MFSD2A: variants seen among roughly 807,000 people sequenced by gnomAD.
MFSD2A encodes MFSD2 lysolipid transporter A, lysophospholipid.
Under a neutral mutation model 64.7 loss-of-function variants are expected in MFSD2A, and 27 were observed. The ratio of observed to expected loss-of-function variants is 0.42; its 90% CI spans 0.31 to 0.58. MFSD2A has a LOEUF of 0.58. Among genes scored for constraint, MFSD2A ranks in the 20% least tolerant of loss-of-function variants. The pLI, the probability that MFSD2A is intolerant of heterozygous loss-of-function variation, is 0.18. For synonymous variants in MFSD2A, 258 were observed against 273.4 expected (o/e 0.94, Z 0.55); for missense variants, 474 against 679.5 (o/e 0.70, Z 3.36).
In MFSD2A at chr1:39,957,105, A is replaced by G. The variant is rs1644946474; in HGVS notation, c.112A>G (p.Lys38Glu). 6.2e-7 allele frequency: 1 copy of G among 1,614,020 alleles called. No individual in the cohort carries two copies. Among genetic ancestry groups the G allele is most frequent in the Non-Finnish European group, 8.5e-7 (1 of 1,180,024 alleles). ...TTCCCAGAAAGAACCGAAAAAGAAG[A>G]AACAACAGTTGTCTGTTTGCAACAA... ...AQVKKEPKKK[K>E]QQLSVCNKLC... The change falls in exon 2 of 14, where the codon AAA (lysine) becomes GAA (glutamate). Residue 38 changes from lysine (K) to glutamate (E), a missense_variant. Transcript: ENST00000372811.
At position 39,963,225 on chromosome 1, in the gene MFSD2A, C is replaced by T. The variant is rs1209015675; in HGVS notation, c.354-1986C>T. 23 of 1,575,990 alleles carry T rather than the reference C, an allele frequency of 1.5e-5. No homozygotes were observed. Among genetic ancestry groups the T allele is most frequent in the Non-Finnish European group, 2.0e-5 (23 of 1,161,842 alleles). ...TATCGATGACTGCTACACCTCAGCC[C>T]GGGGCTGCACTGCCACCCTGGGCAG... On this transcript the variant is annotated intron_variant, in intron 3 of 13. Coordinates refer to ENST00000372811, the MANE Select transcript of MFSD2A (RefSeq NM_032793.5). This position sits in a 1 kb window ranked among gnomAD's most constrained non-coding sequence, Gnocchi z 4.2.
rs552517354 is a variant in MFSD2A at position 39,955,257 on chromosome 1, C to T, written c.-36C>T. On this transcript the variant is annotated 5_prime_UTR_variant, in exon 1 of 14. Coordinates refer to ENST00000372811, the MANE Select transcript of MFSD2A (RefSeq NM_032793.5). The surrounding 1 kb of genome is among the most constrained non-coding windows in gnomAD (Gnocchi z 5.9). ...CGGCCTGCGGGGCAGAGGAGCATCCCGTCTACCAGGTCCCAAGCGGCGTGG... is the reference window on the plus strand; with the variant it reads ...CGGCCTGCGGGGCAGAGGAGCATCCTGTCTACCAGGTCCCAAGCGGCGTGG... 2 of 1,379,072 alleles carry T rather than the reference C, an allele frequency of 1.5e-6. No individual in the cohort carries two copies. The highest frequency in any genetic ancestry group is 1.9e-6 in the Non-Finnish European group (2 of 1,063,366). The allele number at this position is 1,379,072 out of a possible 1,614,324, so 85.4% of individuals were successfully genotyped here.
rs146664473 is a variant in MFSD2A at position 39,968,146 on chromosome 1, G to T, written c.1209-188G>T. ...ATCTGGCCTGGGCTCCACTTGCCAC[G>T]CTGAGCACCTCCAGGCAGGGTTACT... On this transcript the variant is annotated intron_variant, in intron 11 of 13. Coordinates refer to ENST00000372811, the MANE Select transcript of MFSD2A (RefSeq NM_032793.5). This position sits in a 1 kb window ranked among gnomAD's most constrained non-coding sequence, Gnocchi z 4.4. 6.9e-6 allele frequency: 5 copies of T among 729,554 alleles called. No homozygotes were observed. The highest frequency in any genetic ancestry group is 5.4e-5 in the East Asian group (2 of 37,148). The allele number at this position is 729,554 out of a possible 1,614,324, so 45.2% of individuals were successfully genotyped here.
Position 39,955,317 on chromosome 1 carries a change from A to G in MFSD2A, c.25A>G (p.Ser9Gly). ...CATGGCCAAAGGAGAAGGCGCCGAG[A>G]GCGGCTCCGCGGCGGGGCTGCTACC... Reference protein sequence around the residue: MAKGEGAESGSAAGLLPTS... With the variant: MAKGEGAEGGSAAGLLPTS... The change falls in exon 1 of 14, where the codon AGC becomes GGC. Residue 9 changes from serine to glycine, a missense_variant. Ser to Gly is a moderately conservative substitution (Grantham distance 56). Coordinates refer to ENST00000372811, the MANE Select transcript of MFSD2A (RefSeq NM_032793.5). This position sits in a 1 kb window ranked among gnomAD's most constrained non-coding sequence, Gnocchi z 5.9. The G allele has an allele frequency of 6.9e-7, 1 of 1,443,868 alleles. No individual in the cohort carries two copies. The highest frequency in any genetic ancestry group is 9.1e-7 in the Non-Finnish European group (1 of 1,096,162). 89.4% of individuals were successfully genotyped at this position (1,443,868 alleles called of 1,614,324 possible).
intron 3 of MFSD2A, among the ~76,000 whole-genome samples, chr1:39,961,134 C>T (rs140617974): frequency 4.0e-5 from 6 of 151,748 alleles, no homozygotes; most frequent in Non-Finnish European, 8.8e-5. Context: ...TCCATCCATA[C>T]CACCTGACCC....
rs1257670253 is a variant in MFSD2A, at chr1:39,966,874, G to A, written c.869G>A (p.Ser290Asn). Residue 290 changes from serine (S) to asparagine (N), a missense_variant, in exon 8 of 14, where the codon AGC (serine) becomes AAC (asparagine). Transcript: ENST00000372811. ...TTCCGGGGCCTACGGCTGGTCATGA[G>A]CCACGGCCCATACATCAAACTTATT... ...AYFRGLRLVM[S>N]HGPYIKLITG... 5 of 1,613,762 alleles carry A rather than the reference G, an allele frequency of 3.1e-6. No homozygotes were observed. In the Admixed American group the frequency reaches 6.7e-5, roughly 22 times the overall value.
In MFSD2A at chr1:39,965,106, C is replaced by A; in HGVS notation, c.354-105C>A. 1 of 1,467,248 alleles carries A rather than the reference C, an allele frequency of 6.8e-7. No individual in the cohort carries two copies. The highest frequency in any genetic ancestry group is 9.3e-7 in the Non-Finnish European group (1 of 1,074,464). 90.9% of individuals were successfully genotyped at this position (1,467,248 alleles called of 1,614,324 possible). ...AGGAGTATGGGGAAGGAAGGAAGAGCTTAGCTTCCTTCCCTGTGGGGACCC... is the reference window on the plus strand; with the variant it reads ...AGGAGTATGGGGAAGGAAGGAAGAGATTAGCTTCCTTCCCTGTGGGGACCC... On this transcript the variant is annotated intron_variant, in intron 3 of 13. Coordinates refer to ENST00000372811, the MANE Select transcript of MFSD2A (RefSeq NM_032793.5). The surrounding 1 kb of genome is among the most constrained non-coding windows in gnomAD (Gnocchi z 5.5).
At chr1:39,961,503 C>A (rs1271800251) in intron 3 of MFSD2A, among the ~76,000 whole-genome samples, 1 of 152,036 alleles carries the variant, frequency 6.6e-6, no homozygotes, top group African/African-American at 2.4e-5. Flanking sequence ...CGCCCGCCAC[C>A]ATTCCCAGCT....
At chr1:39,957,443 T>C (rs963652351) in intron 2 of MFSD2A, among the ~76,000 whole-genome samples, 3 of 152,180 alleles carry the variant, frequency 2.0e-5, no homozygotes, top group Non-Finnish European at 2.9e-5. Context: ...GTCTGGCAAC[T>C]CCTCCTTGCC....
At position 39,963,335 on chromosome 1, in the gene MFSD2A, G is replaced by A. The variant is rs1645086893; in HGVS notation, c.354-1876G>A. ...TCTGGAAGGAGACTGTATTCACCAA[G>A]TCTCCCGATCAGGAATTCACTGACC... On this transcript the variant is annotated intron_variant, in intron 3 of 13. Transcript: ENST00000372811. This position sits in a 1 kb window ranked among gnomAD's most constrained non-coding sequence, Gnocchi z 4.2. 2.7e-6 allele frequency: 3 copies of A among 1,098,468 alleles called. No homozygotes were observed. The highest frequency in any genetic ancestry group is 2.7e-6 in the Non-Finnish European group (2 of 749,208). The allele number at this position is 1,098,468 out of a possible 1,614,324, so 68.0% of individuals were successfully genotyped here.
In MFSD2A at chr1:39,964,988, C is replaced by G. The variant is rs1645125742; in HGVS notation, c.354-223C>G. On this transcript the variant is annotated intron_variant, in intron 3 of 13. Transcript: ENST00000372811. This position sits in a 1 kb window ranked among gnomAD's most constrained non-coding sequence, Gnocchi z 4.1. The stretch of plus-strand genomic sequence containing the variant: ...TCAGGCTCTGACCTCACACTCCATG[C>G]CTAGGATTTCAGTCTGGGGTCCCAG... The G allele has an allele frequency of 5.0e-6, 3 of 597,420 alleles. No individual in the cohort carries two copies. The highest frequency in any genetic ancestry group is 1.9e-5 in the African/African-American group (1 of 53,734). 37.0% of individuals were successfully genotyped at this position (597,420 alleles called of 1,614,324 possible).
chr1:39,956,236 G>A (rs1361456995), intron 1 of MFSD2A, among the ~76,000 whole-genome samples: 1 of 152,192 alleles, frequency 6.6e-6, no homozygotes, highest in Non-Finnish European at 1.5e-5. Context: ...GCGATGGGTC[G>A]GGAAGCTGGA....
At position 39,968,514 on chromosome 1, in the gene MFSD2A, G is replaced by A; in HGVS notation, c.1352+37G>A. Reference sequence around the variant, plus strand: ...GGGGACCTGGGGCAGGACTGGGCAGGGCCAGGCCCCAGGTGCCCCATCTTC... The same window carrying A: ...GGGGACCTGGGGCAGGACTGGGCAGAGCCAGGCCCCAGGTGCCCCATCTTC... On this transcript the variant is annotated intron_variant, in intron 12 of 13. Transcript: ENST00000372811. This position sits in a 1 kb window ranked among gnomAD's most constrained non-coding sequence, Gnocchi z 4.4. 1 of 1,613,830 alleles carries A rather than the reference G, an allele frequency of 6.2e-7. No individual in the cohort carries two copies. Among genetic ancestry groups the A allele is most frequent in the Non-Finnish European group, 8.5e-7 (1 of 1,179,808 alleles).
rs915926537 is a variant in MFSD2A at position 39,963,859 on chromosome 1, C to T, written c.354-1352C>T. ...AAGTGATTCTCCCGCTTCAGCCTCC[C>T]GAGGAGCTGGGACTACAGGTGTGCG... On this transcript the variant is annotated intron_variant, in intron 3 of 13. Transcript: ENST00000372811. The surrounding 1 kb of genome is among the most constrained non-coding windows in gnomAD (Gnocchi z 4.2). 2.0e-5 allele frequency among the ~76,000 whole-genome samples: 3 copies of T among 152,282 alleles called. No individual in the cohort carries two copies. The highest frequency in any genetic ancestry group is 2.1e-4 in the South Asian group (1 of 4,818).
intron 1 of MFSD2A, among the ~76,000 whole-genome samples, 184 bp from the exon 2 acceptor site, chr1:39,956,903 A>G (rs543476902): frequency 5.6e-4 from 74 of 132,742 alleles, no homozygotes; most frequent in African/African-American, 2.2e-3. Flanking sequence ...GCAACAGAGC[A>G]AGACTCTGTC....
At chr1:39,959,583 C>T (rs1644992494) in intron 3 of MFSD2A, among the ~76,000 whole-genome samples, 2 of 152,258 alleles carry the variant, frequency 1.3e-5, no homozygotes, top group East Asian at 1.9e-4. Context: ...AATTTCCCTA[C>T]TTAGAGCTGA....
rs1010993513 is a variant in MFSD2A at position 39,963,343 on chromosome 1, A to T, written c.354-1868A>T. ...GAGACTGTATTCACCAAGTCTCCCG[A>T]TCAGGAATTCACTGACCACCTCATC... On this transcript the variant is annotated intron_variant, in intron 3 of 13. Coordinates refer to ENST00000372811, the MANE Select transcript of MFSD2A (RefSeq NM_032793.5). The surrounding 1 kb of genome is among the most constrained non-coding windows in gnomAD (Gnocchi z 4.2). 7 of 1,007,642 alleles carry T rather than the reference A, an allele frequency of 6.9e-6. No homozygotes were observed. The Admixed American group carries it at 1.0e-4, about 15-fold the overall frequency. 62.4% of individuals were successfully genotyped at this position (1,007,642 alleles called of 1,614,324 possible).
chr1:39,961,791 C>T (rs531816031), intron 3 of MFSD2A, among the ~76,000 whole-genome samples: 7 of 152,318 alleles, frequency 4.6e-5, no homozygotes, highest in South Asian at 2.1e-4. Context: ...GGATTACAGG[C>T]GTGAGCCACC....
At chr1:39,956,489 G>A (rs1039514663) in intron 1 of MFSD2A, among the ~76,000 whole-genome samples, 2 of 152,192 alleles carry the variant, frequency 1.3e-5, no homozygotes, top group Admixed American at 6.5e-5. Context: ...TGCCGGGTGG[G>A]GACAGGTCGG....
Sources: gnomAD v4.1 joint callset for allele counts (sites outside exome capture counted in the v4.1 genomes callset) on GRCh38, gnomAD v4.1.1 for gene constraint, Gnocchi (gnomAD v3.1) non-coding constraint, MANE v1.5 for transcripts, NCBI Gene and HGNC (gene_info 2026-07-23, HGNC 2026-07-21) for gene names.